Variants in ZSWIM6 observed in about 807,000 individuals in gnomAD.
The protein encoded by ZSWIM6 is zinc finger SWIM domain-containing protein 6.
A neutral mutation model predicts 113.2 loss-of-function variants in ZSWIM6; 9 were observed. The ratio of observed to expected loss-of-function variants is 0.08; its 90% CI spans 0.05 to 0.14. The LOEUF (loss-of-function observed/expected upper bound fraction) is 0.14. ZSWIM6 is among the 10% of genes least tolerant of loss of function. The pLI, the probability that ZSWIM6 is intolerant of heterozygous loss-of-function variation, is 1.00. For synonymous variants in ZSWIM6, 611 were observed against 606.5 expected, an observed-to-expected ratio of 1.01 and a Z score of -0.11; for missense variants, 1,162 against 1,552.2, an observed-to-expected ratio of 0.75 and a Z score of 4.22.
At chr5:61,373,334 AAC>A (rs1745304499) in intron 1 of ZSWIM6, among the ~76,000 whole-genome samples, 1 of 149,792 alleles carries the variant, frequency 6.7e-6, no homozygotes, top group Non-Finnish European at 1.5e-5. Flanking sequence ...GGAATATTAG[AAC>A]ATTTTGACTA....
At chr5:61,375,071 C>T (rs1326361102) in intron 1 of ZSWIM6, 10 of 1,569,244 alleles carry the variant, frequency 6.4e-6, no homozygotes, top group Admixed American at 5.0e-5. Flanking sequence ...CTCTCCGGCC[C>T]GGTTTCCCTC....
At chr5:61,497,974 C>G (rs1748365819) in intron 4 of ZSWIM6, among the ~76,000 whole-genome samples, 1 of 152,122 alleles carries the variant, frequency 6.6e-6, no homozygotes, top group East Asian at 1.9e-4. Flanking sequence ...TAATGGCTGT[C>G]TGTTCAGCAC....
intron 1 of ZSWIM6, among the ~76,000 whole-genome samples, chr5:61,356,419 G>T (rs188104328): frequency 2.0e-5 from 3 of 151,634 alleles, no homozygotes; most frequent in Non-Finnish European, 4.4e-5. Context: ...TTTTATTTTC[G>T]TAGAAGTTCA....
intron 1 of ZSWIM6, among the ~76,000 whole-genome samples, chr5:61,450,248 A>T (rs141865647): frequency 1.1e-3 from 165 of 152,170 alleles, no homozygotes; most frequent in African/African-American, 3.9e-3. Context: ...GTAGTAGGAA[A>T]GGTAGGAAGA....
intron 1 of ZSWIM6, among the ~76,000 whole-genome samples, chr5:61,440,726 C>G (rs757191290): frequency 2.6e-5 from 4 of 152,116 alleles, no homozygotes; most frequent in African/African-American, 4.8e-5. Context: ...GCGTTCAGGC[C>G]CTAAGCTATG....
chr5:61,408,010 C>A (rs1164182849), intron 1 of ZSWIM6, among the ~76,000 whole-genome samples: 3 of 151,928 alleles, frequency 2.0e-5, no homozygotes, highest in Non-Finnish European at 2.9e-5. Flanking sequence ...GGAATTTATT[C>A]TTGAAAGACA....
chr5:61,342,822 G>A (rs1319310480), intron 1 of ZSWIM6, among the ~76,000 whole-genome samples: 1 of 151,980 alleles, frequency 6.6e-6, no homozygotes, highest in Non-Finnish European at 1.5e-5. Context: ...GTGTGGTTCA[G>A]CAGTGTTAAG....
intron 1 of ZSWIM6, among the ~76,000 whole-genome samples, chr5:61,368,198 C>T (rs1165685908): frequency 6.6e-6 from 1 of 151,126 alleles, no homozygotes; most frequent in Non-Finnish European, 1.5e-5. Flanking sequence ...TTTAAATAGC[C>T]CAGTGCCCAG....
intron 11 of ZSWIM6, 127 bp downstream of exon 11, chr5:61,539,098 T>C: frequency 9.1e-7 from 1 of 1,101,404 alleles, no homozygotes; most frequent in Non-Finnish European, 1.2e-6. Context: ...GATCTTTTTC[T>C]TTAGATGTTA....
intron 1 of ZSWIM6, among the ~76,000 whole-genome samples, chr5:61,373,114 T>G (rs1745300817): frequency 2.0e-5 from 3 of 152,134 alleles, no homozygotes; most frequent in Admixed American, 2.0e-4. Context: ...TTTAAAAAAT[T>G]TTAAAAAATA....
At chr5:61,535,081 T>C (rs1238887484) in intron 9 of ZSWIM6, among the ~76,000 whole-genome samples, 1 of 152,086 alleles carries the variant, frequency 6.6e-6, no homozygotes, top group Admixed American at 6.5e-5. Flanking sequence ...GGTCCAGGGG[T>C]AGTTTCCATA....
chr5:61,361,676 C>G (rs140429072), intron 1 of ZSWIM6, among the ~76,000 whole-genome samples: 1,738 of 152,246 alleles, frequency 0.011, 25 homozygotes, highest in African/African-American at 0.039. Flanking sequence ...GAGGCTGCTG[C>G]CCAGAAGATT....
chr5:61,398,927 T>G (rs1480713673), intron 1 of ZSWIM6, among the ~76,000 whole-genome samples: 5 of 139,146 alleles, frequency 3.6e-5, no homozygotes, highest in African/African-American at 1.3e-4. Flanking sequence ...TTTTTTTTTT[T>G]TTTTTTTTTT....
At chr5:61,343,203 T>A (rs1744585383) in intron 1 of ZSWIM6, among the ~76,000 whole-genome samples, 1 of 152,242 alleles carries the variant, frequency 6.6e-6, no homozygotes, top group African/African-American at 2.4e-5. Flanking sequence ...ATTGGAAGGA[T>A]GCAGTAGAAC....
At chr5:61,524,061 G>A (rs367674219) in intron 5 of ZSWIM6, among the ~76,000 whole-genome samples, 7 of 152,240 alleles carry the variant, frequency 4.6e-5, no homozygotes, top group South Asian at 4.1e-4. Flanking sequence ...TTTAAATTTT[G>A]TTTCTATGAT....
intron 1 of ZSWIM6, among the ~76,000 whole-genome samples, chr5:61,464,158 ATTTTTTTTTTTTTTTTTTT>A (rs869288331): frequency 2.5e-4 from 11 of 43,514 alleles, no homozygotes; most frequent in Admixed American, 7.3e-4. Flanking sequence ...CACCCGGCTA[ATTTTTTTTTTTTTTTTTTT>A]TTTTTTTTTT....
At chr5:61,339,358 A>AGCC (rs1275256973) in intron 1 of ZSWIM6, among the ~76,000 whole-genome samples, 16 of 152,118 alleles carry the variant, frequency 1.1e-4, no homozygotes, top group African/African-American at 3.9e-4. Context: ...GGCTGCAGTG[A>AGCC]GCCGAGATTG....
intron 1 of ZSWIM6, among the ~76,000 whole-genome samples, chr5:61,430,452 C>T (rs1018287543): frequency 2.0e-5 from 3 of 152,064 alleles, no homozygotes; most frequent in African/African-American, 7.2e-5. Context: ...AATCTTAAAT[C>T]TGATATTAGA....
At chr5:61,371,465 A>T (rs1290189179) in intron 1 of ZSWIM6, among the ~76,000 whole-genome samples, 1 of 152,248 alleles carries the variant, frequency 6.6e-6, no homozygotes, top group Non-Finnish European at 1.5e-5. Flanking sequence ...TTTTATTTTA[A>T]AGAGAAGCAC....
Sources: gnomAD v4.1 joint callset for allele counts (sites outside exome capture counted in the v4.1 genomes callset) on GRCh38, gnomAD v4.1.1 for gene constraint, MANE v1.5 for transcripts, NCBI Gene and HGNC (gene_info 2026-07-23, HGNC 2026-07-21) for gene names.